The following REPS2 variants were observed in gnomAD, a reference collection of about 807,000 sequenced individuals.
REPS2 encodes RALBP1 associated Eps domain containing 2.
REPS2 carries 23 observed loss-of-function variants against 53.6 expected under a neutral mutation model. The ratio of observed to expected loss-of-function variants is 0.43; its 90% CI spans 0.31 to 0.61. The LOEUF (loss-of-function observed/expected upper bound fraction) is 0.61, where lower values mean the gene tolerates loss of function less well. Among genes scored for constraint, REPS2 ranks in the 20% least tolerant of loss-of-function variants. The probability of loss-of-function intolerance (pLI) is 0.11; values close to 1 mark genes in which losing one functional copy is unlikely to be tolerated. For synonymous variants in REPS2, 238 were observed against 218.6 expected (o/e 1.09, Z -0.78); for missense variants, 446 against 534.9 (o/e 0.83, Z 1.64).
At chrX:17,106,591 T>G (rs2062877470) in intron 14 of REPS2, among the ~76,000 whole-genome samples, 1 of 109,391 alleles carries the variant, frequency 9.1e-6, no homozygotes, top group African/African-American at 3.3e-5. Context: ...TTTTCTGTAT[T>G]TTTTAGTAGA....
chrX:17,042,482 G>A (rs779951808), intron 5 of REPS2, among the ~76,000 whole-genome samples: 12 of 111,638 alleles, frequency 1.1e-4, no homozygotes, highest in Non-Finnish European at 1.7e-4. Context: ...TGGGTCCTGC[G>A]GTGACATGGC....
rs770510069 is a variant in REPS2, at chrX:17,132,695, G to A, written c.1579-1129G>A. Among the ~76,000 whole-genome samples, 6 of 111,667 alleles carry A rather than the reference G, an allele frequency of 5.4e-5. No individual in the cohort carries two copies. In the South Asian group the frequency reaches 1.9e-3, roughly 35 times the overall value. ...TGGGATTACAGGAACCCATCATCAC[G>A]CCTGGCTAGTTTTTGTACTTTTAGT... On this transcript the variant is annotated intron_variant, in intron 14 of 17. Transcript: ENST00000357277.
chrX:17,120,294 G>A (rs1159473455), intron 14 of REPS2, among the ~76,000 whole-genome samples: 1 of 112,031 alleles, frequency 8.9e-6, no homozygotes, highest in African/African-American at 3.2e-5. Flanking sequence ...ACAACCAGGG[G>A]TTGGGCTCAG....
chrX:17,099,653 C>T (rs189964684), intron 13 of REPS2: 17 of 416,221 alleles, frequency 4.1e-5, no homozygotes, highest in South Asian at 2.9e-4. Context: ...GGCACAGAAA[C>T]GATACTGGCT....
the REPS2 span, among the ~76,000 whole-genome samples, chrX:17,163,597 C>T: frequency 3.6e-5 from 4 of 111,988 alleles, no homozygotes; most frequent in African/African-American, 6.5e-5. Flanking sequence ...AAGCTCATCA[C>T]GTACAAGGGA....
intron 1 of REPS2, among the ~76,000 whole-genome samples, chrX:16,994,407 A>C (rs775100189): frequency 4.5e-5 from 5 of 111,240 alleles, no homozygotes; most frequent in Non-Finnish European, 9.4e-5. Flanking sequence ...ATATACACAC[A>C]CGTACATATA....
intron 8 of REPS2, among the ~76,000 whole-genome samples, chrX:17,055,170 T>C (rs1401292745): frequency 2.4e-5 from 2 of 83,134 alleles, no homozygotes; most frequent in Non-Finnish European, 4.6e-5. Flanking sequence ...TGTCTGTTCA[T>C]GTCCTTCGCC....
chrX:17,124,185 G>A (rs2063176833), intron 14 of REPS2, among the ~76,000 whole-genome samples: 1 of 111,984 alleles, frequency 8.9e-6, no homozygotes, highest in Non-Finnish European at 1.9e-5. Flanking sequence ...GTGCTCTGTG[G>A]GTGCAGTTAC....
At chrX:17,140,421 C>T (rs1263555606) in intron 17 of REPS2, among the ~76,000 whole-genome samples, 3 of 110,532 alleles carry the variant, frequency 2.7e-5, no homozygotes, top group Non-Finnish European at 5.7e-5. Flanking sequence ...TATACCCCAA[C>T]CCCATTTGCC....
intron 5 of REPS2, among the ~76,000 whole-genome samples, chrX:17,033,528 T>G (rs1382516129): frequency 1.8e-5 from 2 of 111,955 alleles, no homozygotes; most frequent in Non-Finnish European, 3.8e-5. Context: ...CAGGCCAGAA[T>G]GCTGGTCATT....
intron 1 of REPS2, among the ~76,000 whole-genome samples, chrX:17,001,946 CT>C (rs1478449061): frequency 8.9e-6 from 1 of 111,961 alleles, no homozygotes; most frequent in Non-Finnish European, 1.9e-5. Context: ...TTACCTCCCC[CT>C]AATTGTTCAA....
chrX:17,172,813 AT>A, the REPS2 span, among the ~76,000 whole-genome samples: 1 of 111,922 alleles, frequency 8.9e-6, no homozygotes, highest in Non-Finnish European at 1.9e-5. Context: ...CCACCCAGAG[AT>A]AACCACTGTT....
At chrX:16,993,038 C>A (rs1317116031) in intron 1 of REPS2, among the ~76,000 whole-genome samples, 2 of 112,175 alleles carry the variant, frequency 1.8e-5, no homozygotes, top group Non-Finnish European at 3.8e-5. Flanking sequence ...ATAGTCCATG[C>A]TCTTTAGTAC....
At chrX:17,099,772 A>G in intron 13 of REPS2, 1 of 552,976 alleles carries the variant, frequency 1.8e-6, no homozygotes, top group Non-Finnish European at 3.3e-6. Context: ...GGTACTCAGG[A>G]GAGTTAATTC....
At chrX:17,009,983 C>G (rs1274136471) in intron 2 of REPS2, among the ~76,000 whole-genome samples, 1 of 111,152 alleles carries the variant, frequency 9.0e-6, no homozygotes, top group Admixed American at 9.6e-5. Flanking sequence ...GGCCATATGT[C>G]CATTTTATCT....
At chrX:16,976,800 T>C (rs1454541408) in intron 1 of REPS2, among the ~76,000 whole-genome samples, 1 of 111,969 alleles carries the variant, frequency 8.9e-6, no homozygotes, top group East Asian at 2.8e-4. Context: ...TGCCTGGAGC[T>C]GAATAAATTA....
intron 5 of REPS2, among the ~76,000 whole-genome samples, chrX:17,036,701 CTGT>C (rs2061769617): frequency 8.9e-6 from 1 of 111,886 alleles, no homozygotes. Flanking sequence ...AAAAAATCCT[CTGT>C]TGTTAGAGAT....
intron 1 of REPS2, among the ~76,000 whole-genome samples, chrX:16,954,007 G>A (rs2060558848): frequency 9.0e-6 from 1 of 111,064 alleles, no homozygotes; most frequent in Non-Finnish European, 1.9e-5. Flanking sequence ...AGACTGGAAT[G>A]CAGCAATCTG....
chrX:17,152,498 G>A lies in REPS2; in HGVS notation c.*5017G>A, dbSNP rs1250147496. 1 of 111,893 alleles carries A rather than the reference G, an allele frequency of 8.9e-6. No homozygotes were observed. The highest frequency in any genetic ancestry group is 1.9e-5 in the Non-Finnish European group (1 of 53,155). 9.2% of individuals were successfully genotyped at this position (111,893 alleles called of 1,213,427 possible). A position where few individuals can be genotyped will look rare whatever the true frequency, so the allele number is the denominator to read the frequency against. On this transcript the variant is annotated 3_prime_UTR_variant, in exon 18 of 18. Transcript: ENST00000357277. The stretch of plus-strand genomic sequence containing the variant: ...TGGGATATTAGAGAAGTGGGTTTAT[G>A]ACTCTGAAGACCAGCAGACACCAGA...
Sources: gnomAD v4.1 joint callset for allele counts (sites outside exome capture counted in the v4.1 genomes callset) on GRCh38, gnomAD v4.1.1 for gene constraint, MANE v1.5 for transcripts, NCBI Gene and HGNC (gene_info 2026-07-23, HGNC 2026-07-21) for gene names.